PRKN: variants seen among roughly 807,000 people sequenced by gnomAD.
PRKN encodes the protein E3 ubiquitin-protein ligase parkin.
PRKN carries 56 observed loss-of-function variants against 59.5 expected under a neutral mutation model. That is an observed-to-expected ratio of 0.94 (90% CI 0.76 to 1.18). The LOEUF (loss-of-function observed/expected upper bound fraction) is 1.18. Among genes scored for constraint, PRKN ranks in the 50% most tolerant of loss-of-function variants. The pLI, the probability that PRKN is intolerant of heterozygous loss-of-function variation, is 0.00. For missense variants in PRKN, 657 were observed against 596.4 expected (o/e 1.10, Z -1.06); for synonymous variants, 250 against 222.1 (o/e 1.13, Z -1.12).
At chr6:161,981,680 G>A (rs1174275760) in intron 5 of PRKN, among the ~76,000 whole-genome samples, 2 of 152,126 alleles carry the variant, frequency 1.3e-5, no homozygotes, top group African/African-American at 4.8e-5. Flanking sequence ...TGAAGTGTTC[G>A]ACTTACTGGG....
intron 4 of PRKN, among the ~76,000 whole-genome samples, chr6:162,145,223 G>A (rs751925265): frequency 1.6e-4 from 25 of 152,090 alleles, no homozygotes; most frequent in Admixed American, 6.5e-5. Flanking sequence ...GAATTTTGTT[G>A]CTCTCAGGGT....
chr6:162,102,034 T>C (rs1354723432), intron 4 of PRKN, among the ~76,000 whole-genome samples: 1 of 152,228 alleles, frequency 6.6e-6, no homozygotes, highest in Non-Finnish European at 1.5e-5. Flanking sequence ...TCTAATTTTC[T>C]CTTTTTTAAT....
In PRKN at chr6:161,372,011, C is replaced by T. The variant is rs1785463214; in HGVS notation, c.1168-11806G>A. 6.6e-6 allele frequency among the ~76,000 whole-genome samples: 1 copy of T among 152,184 alleles called. No homozygotes were observed. The highest frequency in any genetic ancestry group is 1.5e-5 in the Non-Finnish European group (1 of 68,028). ...GGAGTGGAATGTGTGCCAAGTGCCA[C>T]AGACGAGATCTTACAGAGTCTTGCC... On this transcript the variant is annotated intron_variant, in intron 10 of 11. Coordinates refer to ENST00000366898, the MANE Select transcript of PRKN (RefSeq NM_004562.3). This position sits in a 1 kb window ranked among gnomAD's most constrained non-coding sequence, Gnocchi z 4.2.
chr6:161,537,985 G>A (rs192249943), intron 9 of PRKN, among the ~76,000 whole-genome samples: 18 of 152,278 alleles, frequency 1.2e-4, no homozygotes, highest in African/African-American at 4.3e-4. Context: ...CTGAACTCTG[G>A]TCAATAACCA....
chr6:162,624,374 CAATT>C (rs1435578030), intron 1 of PRKN: 1 of 151,946 alleles, frequency 6.6e-6, no homozygotes, highest in Non-Finnish European at 1.5e-5. Context: ...TTATTAAAAA[CAATT>C]AAATAAAAAT....
intron 6 of PRKN, among the ~76,000 whole-genome samples, chr6:161,897,801 C>T (rs1177956415): frequency 1.5e-5 from 2 of 133,560 alleles, no homozygotes; most frequent in Non-Finnish European, 3.1e-5. Flanking sequence ...AACCCCGTCT[C>T]TACTGAAAAT....
At chr6:162,652,746 C>A (rs1306032739) in intron 1 of PRKN, among the ~76,000 whole-genome samples, 1 of 151,654 alleles carries the variant, frequency 6.6e-6, no homozygotes, top group Non-Finnish European at 1.5e-5. Flanking sequence ...TCAAAACCAG[C>A]CTGGGCAACA....
At chr6:161,476,143 C>T (rs1336131130) in intron 9 of PRKN, among the ~76,000 whole-genome samples, 3 of 151,306 alleles carry the variant, frequency 2.0e-5, no homozygotes, top group South Asian at 2.1e-4. Flanking sequence ...GCCGAGATCG[C>T]GCCACTGTAC....
intron 5 of PRKN, among the ~76,000 whole-genome samples, chr6:161,975,133 T>C (rs1583427943): frequency 6.7e-6 from 1 of 149,484 alleles, no homozygotes; most frequent in South Asian, 2.1e-4. Flanking sequence ...CCTTCCAGGC[T>C]GGAGTGCAGT....
intron 6 of PRKN, among the ~76,000 whole-genome samples, chr6:161,969,830 G>T (rs1310911746): frequency 6.6e-6 from 1 of 151,996 alleles, no homozygotes; most frequent in East Asian, 1.9e-4. Flanking sequence ...GAGAGTCCCT[G>T]TTACCCTTTT....
intron 6 of PRKN, among the ~76,000 whole-genome samples, chr6:161,867,686 G>A (rs2022987): frequency 0.069 from 10,480 of 151,966 alleles, 1,217 homozygotes; most frequent in African/African-American, 0.24. Context: ...CAAGAGAACT[G>A]GGTTTTATTC....
chr6:162,584,630 GA>G (rs1562408736), intron 1 of PRKN, among the ~76,000 whole-genome samples: 1 of 151,860 alleles, frequency 6.6e-6, no homozygotes, highest in Non-Finnish European at 1.5e-5. Flanking sequence ...TAAATTAAGG[GA>G]AAAAAGCCAG....
At chr6:161,513,644 G>A (rs947908017) in intron 9 of PRKN, among the ~76,000 whole-genome samples, 29 of 151,898 alleles carry the variant, frequency 1.9e-4, no homozygotes, top group African/African-American at 6.8e-4. Context: ...GAAGGAACCC[G>A]AAGTTGGACT....
At chr6:162,454,612 T>C (rs1790776984) in intron 1 of PRKN, among the ~76,000 whole-genome samples, 2 of 152,236 alleles carry the variant, frequency 1.3e-5, no homozygotes, top group Admixed American at 1.3e-4. Context: ...CACTGGACTG[T>C]ATGTTACCCT....
intron 5 of PRKN, among the ~76,000 whole-genome samples, chr6:161,977,533 GTT>G (rs1483084517): frequency 1.2e-5 from 1 of 80,676 alleles, no homozygotes; most frequent in African/African-American, 4.9e-5. Flanking sequence ...TCTACTTTCT[GTT>G]TTTTTGGTTT....
intron 7 of PRKN, among the ~76,000 whole-genome samples, chr6:161,573,045 G>A (rs1032425995): frequency 1.8e-4 from 27 of 152,186 alleles, no homozygotes; most frequent in African/African-American, 6.5e-4. Flanking sequence ...AGTGAGAAAA[G>A]AGTGGATAGA....
intron 7 of PRKN, among the ~76,000 whole-genome samples, chr6:161,608,112 G>A (rs1454511332): frequency 6.6e-6 from 1 of 152,156 alleles, no homozygotes; most frequent in African/African-American, 2.4e-5. Flanking sequence ...CCTCCGCTGT[G>A]CTGGAGGGTC....
intron 6 of PRKN, among the ~76,000 whole-genome samples, chr6:161,892,042 C>T (rs987876349): frequency 3.9e-5 from 6 of 152,292 alleles, no homozygotes; most frequent in African/African-American, 7.2e-5. Context: ...TAACTATAAC[C>T]TTTCAAGAAG....
At chr6:162,568,478 C>T (rs1021979582) in intron 1 of PRKN, 9 of 649,876 alleles carry the variant, frequency 1.4e-5, no homozygotes, top group African/African-American at 3.6e-5. Context: ...GTGGGGCCGG[C>T]GGCATGGGAG....
Sources: gnomAD v4.1 joint callset for allele counts (sites outside exome capture counted in the v4.1 genomes callset) on GRCh38, gnomAD v4.1.1 for gene constraint, Gnocchi (gnomAD v3.1) non-coding constraint, MANE v1.5 for transcripts, NCBI Gene and HGNC (gene_info 2026-07-23, HGNC 2026-07-21) for gene names.